CCSER1: variants seen among roughly 807,000 people sequenced by gnomAD.
CCSER1 encodes serine-rich coiled-coil domain-containing protein 1.
In CCSER1, 41 loss-of-function variants were observed where a neutral mutation model predicts 82.0. The ratio of observed to expected loss-of-function variants is 0.50; its 90% CI spans 0.39 to 0.65. The LOEUF is 0.65. Ranked by LOEUF, CCSER1 falls within the 30% of genes least tolerant of loss-of-function variation. CCSER1 has a pLI of 0.00. For missense variants in CCSER1, 1,119 were observed against 1,064.2 expected (o/e 1.05, Z -0.72); for synonymous variants, 414 against 383.9 (o/e 1.08, Z -0.92).
chr4:91,515,257 G>A (rs529753264), intron 10 of CCSER1, among the ~76,000 whole-genome samples: 1 of 152,042 alleles, frequency 6.6e-6, no homozygotes, highest in South Asian at 2.1e-4. Context: ...TGTTAATATA[G>A]GTAAAGTCAA....
chr4:90,919,255 C>A (rs1057239312), intron 8 of CCSER1, among the ~76,000 whole-genome samples: 1 of 151,768 alleles, frequency 6.6e-6, no homozygotes, highest in African/African-American at 2.4e-5. Context: ...GTGGAGGCAG[C>A]AACACTATTT....
chr4:90,894,111 T>C (rs1369803923), intron 8 of CCSER1, among the ~76,000 whole-genome samples: 1 of 151,990 alleles, frequency 6.6e-6, no homozygotes, highest in Non-Finnish European at 1.5e-5. Context: ...AGCTAATAAA[T>C]CTTTGTGACA....
intron 10 of CCSER1, among the ~76,000 whole-genome samples, chr4:91,567,257 G>T (rs1762934966): frequency 1.3e-5 from 2 of 151,960 alleles, no homozygotes; most frequent in Non-Finnish European, 2.9e-5. Context: ...TGTTTGGTGT[G>T]ATTACATTTC....
chr4:90,491,912 G>C (rs565521996), intron 5 of CCSER1, among the ~76,000 whole-genome samples: 96 of 152,072 alleles, frequency 6.3e-4, no homozygotes, highest in Non-Finnish European at 1.2e-3. Context: ...TGCTGGATTT[G>C]GTTTGCCAGT....
At chr4:90,648,341 G>GAAAGAAAGAAAGAAAGAAAGAA (rs1480236521) in intron 6 of CCSER1, among the ~76,000 whole-genome samples, 21 of 151,110 alleles carry the variant, frequency 1.4e-4, no homozygotes, top group Non-Finnish European at 2.1e-4. Flanking sequence ...AAGAAAGAAA[G>GAAAGAAAGAAAGAAAGAAAGAA]AGAGTTGCCC....
chr4:90,646,768 C>G (rs1371090610), intron 6 of CCSER1, among the ~76,000 whole-genome samples: 3 of 152,030 alleles, frequency 2.0e-5, no homozygotes, highest in Admixed American at 1.3e-4. Context: ...TTTTAATGAC[C>G]CACCCTTTCC....
At chr4:91,091,003 C>T (rs1473558713) in intron 10 of CCSER1, among the ~76,000 whole-genome samples, 1 of 152,188 alleles carries the variant, frequency 6.6e-6, no homozygotes, top group Non-Finnish European at 1.5e-5. Context: ...TGGAGCCAAA[C>T]AGGATCTTCT....
chr4:90,826,484 A>G (rs1341099098), intron 8 of CCSER1, among the ~76,000 whole-genome samples: 9 of 152,212 alleles, frequency 5.9e-5, no homozygotes, highest in African/African-American at 2.2e-4. Context: ...ACATAATTTT[A>G]ATAACAACAG....
At position 90,239,720 on chromosome 4, in the gene CCSER1, TC is replaced by T. The variant is rs139820095; in HGVS notation, c.-41-68522del. Among the ~76,000 whole-genome samples, 718 of 152,264 alleles carry T rather than the reference TC, an allele frequency of 4.7e-3. 7 individuals carry two copies. The highest frequency in any genetic ancestry group is 0.017 in the African/African-American group (689 of 41,556). ...TCTCGAACGCCTGGTCTCAAGTGAC[TC>T]CTGCTTCAGCCTCCCAAAGTACTGG... On this transcript the variant is annotated intron_variant, in intron 1 of 10. Coordinates refer to ENST00000509176, the MANE Select transcript of CCSER1 (RefSeq NM_001145065.2).
intron 9 of CCSER1, among the ~76,000 whole-genome samples, chr4:90,956,332 A>G (rs1477912265): frequency 6.6e-6 from 1 of 152,146 alleles, no homozygotes; most frequent in Non-Finnish European, 1.5e-5. Flanking sequence ...CAAATCCTTC[A>G]TTTCTTCGTA....
intron 10 of CCSER1, among the ~76,000 whole-genome samples, chr4:91,359,099 C>T (rs1292669348): frequency 6.8e-6 from 1 of 147,368 alleles, no homozygotes; most frequent in South Asian, 2.1e-4. Context: ...TAAGGGCTCA[C>T]AACACTAAAG....
chr4:90,646,134 C>CA, intron 6 of CCSER1, among the ~76,000 whole-genome samples: 1 of 151,960 alleles, frequency 6.6e-6, no homozygotes, highest in East Asian at 1.9e-4. Flanking sequence ...GACCACAGGC[C>CA]AAAAAACTGC....
chr4:90,772,153 T>G (rs1209074348), intron 7 of CCSER1, among the ~76,000 whole-genome samples: 1 of 152,162 alleles, frequency 6.6e-6, no homozygotes, highest in Non-Finnish European at 1.5e-5. Flanking sequence ...ATACATAAGA[T>G]ATCAAATTAT....
intron 8 of CCSER1, among the ~76,000 whole-genome samples, chr4:90,887,750 T>C (rs977020885): frequency 6.6e-6 from 1 of 152,004 alleles, no homozygotes; most frequent in African/African-American, 2.4e-5. Context: ...GGCGTGGTGG[T>C]GCGCACCTGT....
chr4:91,166,597 TAA>T (rs781164811), intron 10 of CCSER1, among the ~76,000 whole-genome samples: 4 of 152,246 alleles, frequency 2.6e-5, no homozygotes, highest in East Asian at 1.9e-4. Context: ...TTCTGATTTA[TAA>T]GTCAGTTTTT....
At chr4:91,226,023 A>G (rs1738172737) in intron 10 of CCSER1, among the ~76,000 whole-genome samples, 1 of 151,950 alleles carries the variant, frequency 6.6e-6, no homozygotes, top group Admixed American at 6.6e-5. Flanking sequence ...TTAAAATTAT[A>G]CTTTAAGTTT....
intron 10 of CCSER1, among the ~76,000 whole-genome samples, chr4:91,398,175 T>C (rs1278434785): frequency 1.3e-5 from 2 of 152,012 alleles, no homozygotes; most frequent in South Asian, 2.1e-4. Flanking sequence ...GTGTGGTCCA[T>C]GGTAAACATT....
chr4:90,645,776 C>A (rs1727468091), intron 6 of CCSER1, among the ~76,000 whole-genome samples: 1 of 152,118 alleles, frequency 6.6e-6, no homozygotes, highest in Non-Finnish European at 1.5e-5. Flanking sequence ...CTGTTTTGAA[C>A]CAAAAGCCAA....
intron 1 of CCSER1, among the ~76,000 whole-genome samples, chr4:90,263,107 A>G (rs968528734): frequency 1.3e-5 from 2 of 152,156 alleles, no homozygotes; most frequent in Admixed American, 6.5e-5. Context: ...CAGTGCTGCA[A>G]TAGCATCTCT....
Sources: allele counts gnomAD v4.1 joint callset (sites outside exome capture counted in the v4.1 genomes callset), GRCh38; gene constraint gnomAD v4.1.1; transcripts MANE v1.5; gene names NCBI Gene and HGNC (gene_info 2026-07-23, HGNC 2026-07-21).